The following MLIP variants were observed in gnomAD, a reference collection of about 807,000 sequenced individuals.
MLIP encodes muscular LMNA interacting protein.
A neutral mutation model predicts 84.8 loss-of-function variants in MLIP; 79 were observed. The ratio of observed to expected loss-of-function variants is 0.93; its 90% CI spans 0.78 to 1.12. The LOEUF (loss-of-function observed/expected upper bound fraction) is 1.12. Among genes scored for constraint, MLIP ranks in the 50% most tolerant of loss-of-function variants. The pLI, the probability that MLIP is intolerant of heterozygous loss-of-function variation, is 0.00. For synonymous variants in MLIP, 504 were observed against 463.0 expected (o/e 1.09, Z -1.14); for missense variants, 1,257 against 1,160.6 (o/e 1.08, Z -1.21).
At chr6:54,247,064 A>G (rs1782131152) in intron 12 of MLIP, among the ~76,000 whole-genome samples, 1 of 152,144 alleles carries the variant, frequency 6.6e-6, no homozygotes, top group Non-Finnish European at 1.5e-5. Context: ...GAAAGTTTTT[A>G]AGACAGGTTT....
chr6:54,089,727 T>C (rs756464608), intron 1 of MLIP, among the ~76,000 whole-genome samples: 21 of 152,164 alleles, frequency 1.4e-4, no homozygotes, highest in Non-Finnish European at 2.6e-4. Context: ...AATATTGAGT[T>C]TATTTTTTAA....
At chr6:54,169,953 GTT>G (rs1775606249) in intron 9 of MLIP, among the ~76,000 whole-genome samples, 1 of 151,740 alleles carries the variant, frequency 6.6e-6, no homozygotes. Context: ...GGGATTGCCA[GTT>G]TAATCAACTT....
At chr6:54,115,482 G>A (rs747978960) in intron 1 of MLIP, among the ~76,000 whole-genome samples, 2 of 152,118 alleles carry the variant, frequency 1.3e-5, no homozygotes, top group Admixed American at 6.5e-5. Flanking sequence ...GATGGTCAGA[G>A]AATGAAGAAA....
chr6:54,124,939 A>G (rs2150446253), intron 3 of MLIP, 74 bp downstream of exon 3: 1 of 1,379,100 alleles, frequency 7.3e-7, no homozygotes, highest in South Asian at 1.6e-5. Flanking sequence ...GCGGTCTGCA[A>G]AGGCCATCCT....
At chr6:54,097,267 G>A (rs989755767) in intron 1 of MLIP, among the ~76,000 whole-genome samples, 3 of 152,110 alleles carry the variant, frequency 2.0e-5, no homozygotes, top group Non-Finnish European at 4.4e-5. Context: ...CTTATCATCA[G>A]GATCTAAGAT....
At chr6:54,077,759 G>A (rs1326956552) in intron 1 of MLIP, among the ~76,000 whole-genome samples, 1 of 152,122 alleles carries the variant, frequency 6.6e-6, no homozygotes, top group East Asian at 1.9e-4. Flanking sequence ...TATAAAGTTT[G>A]CAAGCAAGCA....
chr6:54,036,653 C>T (rs74796258), intron 1 of MLIP, among the ~76,000 whole-genome samples: 1 of 151,742 alleles, frequency 6.6e-6, no homozygotes, highest in Non-Finnish European at 1.5e-5. Flanking sequence ...TGAATTGGTA[C>T]AATCAATATG....
At chr6:54,146,386 A>G (rs1346402813) in intron 4 of MLIP, among the ~76,000 whole-genome samples, 1 of 152,246 alleles carries the variant, frequency 6.6e-6, no homozygotes, top group African/African-American at 2.4e-5. Flanking sequence ...TTTAAGGAAT[A>G]TTATCAGAGG....
chr6:54,081,658 C>T (rs947430661), intron 1 of MLIP, among the ~76,000 whole-genome samples: 2 of 152,076 alleles, frequency 1.3e-5, no homozygotes, highest in African/African-American at 2.4e-5. Context: ...GGTGATCCAC[C>T]CGCCCCGGCC....
chr6:54,208,863 C>A (rs1440270749), intron 11 of MLIP, among the ~76,000 whole-genome samples: 1 of 152,206 alleles, frequency 6.6e-6, no homozygotes, highest in African/African-American at 2.4e-5. Context: ...TCCCTCCCTA[C>A]ACAGTTTCAA....
chr6:54,185,905 A>C (rs1777343773), intron 9 of MLIP, among the ~76,000 whole-genome samples: 1 of 152,162 alleles, frequency 6.6e-6, no homozygotes, highest in Non-Finnish European at 1.5e-5. Context: ...GATATTCTGA[A>C]GGGTAATTTT....
chr6:54,181,817 C>T (rs1401550897), intron 9 of MLIP, among the ~76,000 whole-genome samples: 1 of 152,196 alleles, frequency 6.6e-6, no homozygotes, highest in African/African-American at 2.4e-5. Context: ...GAGCCAGGGC[C>T]TGTAATGGGG....
intron 1 of MLIP, among the ~76,000 whole-genome samples, chr6:54,080,180 T>C (rs1314352667): frequency 2.6e-5 from 4 of 152,184 alleles, no homozygotes; most frequent in Admixed American, 6.5e-5. Flanking sequence ...AACTCTTTCA[T>C]GGTCGCCTTT....
chr6:54,031,195 T>C (rs1764112387), intron 1 of MLIP, among the ~76,000 whole-genome samples: 1 of 147,234 alleles, frequency 6.8e-6, no homozygotes, highest in African/African-American at 2.5e-5. Context: ...TTTACTAAGA[T>C]TTCAAATAGC....
At chr6:54,072,646 G>A (rs114709826) in intron 1 of MLIP, among the ~76,000 whole-genome samples, 68 of 152,248 alleles carry the variant, frequency 4.5e-4, no homozygotes, top group African/African-American at 1.4e-3. Context: ...GTATTCTGGA[G>A]TTTCCCAAGA....
intron 1 of MLIP, among the ~76,000 whole-genome samples, chr6:54,061,934 T>C (rs2150333362): frequency 6.6e-6 from 1 of 152,330 alleles, no homozygotes; most frequent in South Asian, 2.1e-4. Flanking sequence ...TCAAGTTGGT[T>C]GTATATTTTT....
chr6:54,093,249 A>C (rs766590467), intron 1 of MLIP, among the ~76,000 whole-genome samples: 2 of 152,098 alleles, frequency 1.3e-5, no homozygotes, highest in Admixed American at 1.3e-4. Context: ...TTTGTGAACC[A>C]CAAATACAGT....
intron 1 of MLIP, among the ~76,000 whole-genome samples, chr6:54,026,895 C>A (rs1224101352): frequency 6.6e-6 from 1 of 152,160 alleles, no homozygotes; most frequent in Admixed American, 6.5e-5. Flanking sequence ...ATCACTTAAC[C>A]TTTGGCTTCT....
intron 9 of MLIP, among the ~76,000 whole-genome samples, chr6:54,174,575 T>C (rs1244062169): frequency 6.6e-6 from 1 of 152,044 alleles, no homozygotes; most frequent in Admixed American, 6.6e-5. Flanking sequence ...TGAAATCTTT[T>C]GCCGATTTTA....
Sources: allele counts gnomAD v4.1 joint callset (sites outside exome capture counted in the v4.1 genomes callset), GRCh38; gene constraint gnomAD v4.1.1; transcripts MANE v1.5; gene names NCBI Gene and HGNC (gene_info 2026-07-23, HGNC 2026-07-21).